ZNF44: variants seen among roughly 807,000 people sequenced by gnomAD.
ZNF44 encodes gonadotropin inducible transcription repressor-2.
A neutral mutation model predicts 11.7 loss-of-function variants in ZNF44; 9 were observed. The ratio of observed to expected loss-of-function variants is 0.77; its 90% confidence interval spans 0.46 to 1.35. ZNF44 has a LOEUF of 1.35. Ranked by LOEUF, ZNF44 falls within the 40% of genes most tolerant of loss-of-function variation. The pLI is 0.00. For synonymous variants in ZNF44, 224 were observed against 242.7 expected (o/e 0.92, Z 0.72); for missense variants, 696 against 743.1 (o/e 0.94, Z 0.74).
chr19:12,257,949 C>T (rs901521273), intron 5 of ZNF44, among the ~76,000 whole-genome samples: 1 of 151,484 alleles, frequency 6.6e-6, no homozygotes, highest in African/African-American at 2.4e-5. Context: ...CTAGCCTGGG[C>T]GATAGAGCGA....
intron 2 of ZNF44, among the ~76,000 whole-genome samples, chr19:12,231,139 C>CT (rs1451841559): frequency 5.9e-5 from 9 of 151,988 alleles, no homozygotes; most frequent in Non-Finnish European, 1.3e-4. Context: ...TAGTCAAAGG[C>CT]TTTTTTCCAG....
intron 1 of ZNF44, 107 bp from the exon 2 acceptor site, chr19:12,276,189 T>C (rs754984594): frequency 6.7e-7 from 1 of 1,489,872 alleles, no homozygotes; most frequent in Non-Finnish European, 9.2e-7. Flanking sequence ...CAAGCATTTA[T>C]TCAATGACGT....
At chr19:12,227,542 G>T (rs1915970362) in intron 3 of ZNF44, among the ~76,000 whole-genome samples, 1 of 152,220 alleles carries the variant, frequency 6.6e-6, no homozygotes, top group African/African-American at 2.4e-5. Context: ...GGAGGCAGAG[G>T]TTGCAGTGAG....
chr19:12,235,282 T>C (rs1329225195), intron 1 of ZNF44, among the ~76,000 whole-genome samples: 1 of 152,012 alleles, frequency 6.6e-6, no homozygotes, highest in Non-Finnish European at 1.5e-5. Context: ...GGCAGGAGAA[T>C]GGCGTGAACC....
intron 5 of ZNF44, among the ~76,000 whole-genome samples, chr19:12,264,453 A>G (rs980595985): frequency 2.6e-5 from 4 of 152,186 alleles, no homozygotes; most frequent in Non-Finnish European, 5.9e-5. Flanking sequence ...GATATTTTAA[A>G]TGAGAAAAAC....
chr19:12,283,191 C>A (rs1010169001), intron 1 of ZNF44, among the ~76,000 whole-genome samples: 8 of 152,128 alleles, frequency 5.3e-5, no homozygotes, highest in African/African-American at 1.7e-4. Context: ...TGTAACCATC[C>A]CCAACCAAAT....
At chr19:12,276,256 G>A in intron 1 of ZNF44, 174 bp from the exon 2 acceptor site, 1 of 1,022,482 alleles carries the variant, frequency 9.8e-7, no homozygotes, top group South Asian at 1.3e-5. Context: ...GAATTCTGAT[G>A]CTGGAATTGG....
intron 2 of ZNF44, among the ~76,000 whole-genome samples, chr19:12,233,637 A>G (rs1012364200): frequency 6.6e-6 from 1 of 152,112 alleles, no homozygotes; most frequent in Non-Finnish European, 1.5e-5. Context: ...TTCAAAGTGT[A>G]CATTATAAAT....
chr19:12,294,865 T>C lies in ZNF44; in HGVS notation c.-171A>G. On this transcript the variant is annotated 5_prime_UTR_variant, in exon 1 of 4. Coordinates refer to ENST00000355684, the MANE Select transcript of ZNF44 (RefSeq NM_016264.4). ...TCCTGGAACGTCACACCCTCCTCTC[T>C]GCCTCGCGCCTGATTGACAATTCTC... The C allele has an allele frequency of 4.2e-6, 3 of 712,058 alleles. No individual in the cohort carries two copies. Among genetic ancestry groups the C allele is most frequent in the South Asian group, 4.2e-5 (2 of 47,078 alleles). 44.1% of individuals were successfully genotyped at this position (712,058 alleles called of 1,614,324 possible).
chr19:12,288,734 G>A (rs530953283), intron 1 of ZNF44, among the ~76,000 whole-genome samples: 170 of 131,694 alleles, frequency 1.3e-3, no homozygotes, highest in Non-Finnish European at 2.1e-3. Context: ...CTCCAGCCTG[G>A]GACAAAGAGT....
intron 5 of ZNF44, among the ~76,000 whole-genome samples, chr19:12,256,903 T>G (rs2145699884): frequency 6.6e-6 from 1 of 152,172 alleles, no homozygotes; most frequent in South Asian, 2.1e-4. Flanking sequence ...GGACAGGTTT[T>G]TGCCATGTTG....
At chr19:12,293,455 T>A in intron 1 of ZNF44, 1 of 1,356,512 alleles carries the variant, frequency 7.4e-7, no homozygotes, top group East Asian at 2.6e-5. Flanking sequence ...CTAGGGGAGA[T>A]AAAAGAGGCA....
chr19:12,247,881 T>C (rs922858055), exon 8 of ZNF44: 100 of 1,319,682 alleles, frequency 7.6e-5, no homozygotes, highest in Non-Finnish European at 9.6e-5. Context: ...TGCAGTGTGA[T>C]TCCTCTCATG....
intron 5 of ZNF44, among the ~76,000 whole-genome samples, chr19:12,265,347 T>C (rs1917687079): frequency 6.6e-6 from 1 of 152,022 alleles, no homozygotes; most frequent in Non-Finnish European, 1.5e-5. Context: ...ATCCCCCCAG[T>C]GCATTCAAGC....
chr19:12,229,615 A>AT (rs1491556692), intron 3 of ZNF44, among the ~76,000 whole-genome samples: 24 of 138,162 alleles, frequency 1.7e-4, no homozygotes, highest in African/African-American at 7.2e-4. Context: ...AGGAAGAAAG[A>AT]TATTTTTTTT....
intron 2 of ZNF44, among the ~76,000 whole-genome samples, chr19:12,233,567 A>C (rs1916249967): frequency 2.0e-5 from 3 of 151,956 alleles, no homozygotes; most frequent in South Asian, 2.1e-4. Context: ...AAAAAAAAAA[A>C]AAAAACCTGA....
At chr19:12,241,141 A>T (rs188622347), upstream of ZNF44, among the ~76,000 whole-genome samples, 110 of 152,324 alleles carry the variant, frequency 7.2e-4, no homozygotes, top group Non-Finnish European at 1.1e-3. Context: ...CAACAACCAC[A>T]TGGAATAATG....
intron 1 of ZNF44, chr19:12,237,194 C>G (rs1055892881): frequency 6.6e-6 from 1 of 152,382 alleles, no homozygotes; most frequent in Non-Finnish European, 1.5e-5. Flanking sequence ...CCCACACAAT[C>G]TGGGGAGACG....
intron 1 of ZNF44, chr19:12,291,391 C>T (rs1968000008): frequency 2.7e-6 from 1 of 370,280 alleles, no homozygotes; most frequent in East Asian, 7.7e-5. Flanking sequence ...GTAGTATTTA[C>T]ACTGCTAAGC....
Sources: allele counts gnomAD v4.1 joint callset (sites outside exome capture counted in the v4.1 genomes callset), GRCh38; gene constraint gnomAD v4.1.1; transcripts MANE v1.5; gene names NCBI Gene and HGNC (gene_info 2026-07-23, HGNC 2026-07-21).